The following AGTPBP1 variants were observed in gnomAD, a reference collection of about 807,000 sequenced individuals.
AGTPBP1 encodes cytosolic carboxypeptidase 1.
In AGTPBP1, 70 loss-of-function variants were observed where a neutral mutation model predicts 143.9. That is an observed-to-expected ratio of 0.49 (90% confidence interval 0.40 to 0.59). The LOEUF is 0.59. Among genes scored for constraint, AGTPBP1 ranks in the 20% least tolerant of loss-of-function variants. The pLI is 0.00. For missense variants in AGTPBP1, 1,229 were observed against 1,464.5 expected (o/e 0.84, Z 2.62); for synonymous variants, 463 against 500.2 (o/e 0.93, Z 0.99).
At chr9:85,741,690 G>T in intron 1 of AGTPBP1, 85 bp downstream of exon 1, 9 of 1,260,548 alleles carry the variant, frequency 7.1e-6, no homozygotes, top group Non-Finnish European at 9.0e-6. Flanking sequence ...TCCTACCCCC[G>T]GGCGCCGTCG....
At chr9:85,710,077 A>G (rs1294690968) in intron 2 of AGTPBP1, among the ~76,000 whole-genome samples, 2 of 152,076 alleles carry the variant, frequency 1.3e-5, no homozygotes, top group Non-Finnish European at 2.9e-5. Context: ...AAAATTTAAC[A>G]CTTCACTATA....
chr9:85,653,715 TC>T (rs1430182030), intron 11 of AGTPBP1, among the ~76,000 whole-genome samples: 1 of 152,194 alleles, frequency 6.6e-6, no homozygotes, highest in African/African-American at 2.4e-5. Flanking sequence ...GATAATGCAT[TC>T]CTAGAAGAGG....
chr9:85,602,729 G>C (rs1564054153), intron 17 of AGTPBP1, among the ~76,000 whole-genome samples: 3 of 152,080 alleles, frequency 2.0e-5, no homozygotes, highest in South Asian at 4.1e-4. Context: ...CCAAAAATTA[G>C]GTGAGCGATC....
chr9:85,802,388 A>G, the AGTPBP1 span, among the ~76,000 whole-genome samples: 35 of 152,256 alleles, frequency 2.3e-4, no homozygotes, highest in African/African-American at 8.2e-4. Context: ...GGTTACTGCC[A>G]AAACTGCCTA....
At chr9:85,675,436 TTAAC>T (rs1446786050) in intron 6 of AGTPBP1, among the ~76,000 whole-genome samples, 2 of 152,192 alleles carry the variant, frequency 1.3e-5, no homozygotes, top group African/African-American at 2.4e-5. Context: ...TTTTGTCTTC[TTAAC>T]TAAGATTGTA....
chr9:85,700,740 G>A (rs1475863435), intron 2 of AGTPBP1, among the ~76,000 whole-genome samples: 1 of 152,116 alleles, frequency 6.6e-6, no homozygotes, highest in African/African-American at 2.4e-5. Flanking sequence ...TGGACCCAGA[G>A]ATAGAAGTCA....
the AGTPBP1 span, among the ~76,000 whole-genome samples, chr9:85,770,109 A>G: frequency 2.0e-5 from 3 of 150,964 alleles, no homozygotes; most frequent in African/African-American, 4.9e-5. Flanking sequence ...GTATACACAC[A>G]TGTATACACA....
rs537846630 is a variant in AGTPBP1, at chr9:85,593,320, C to A, written c.2424-616G>T. Among the ~76,000 whole-genome samples the A allele has an allele frequency of 5.9e-5, 9 of 152,204 alleles. 1 individual carries two copies. In the South Asian group the frequency reaches 1.9e-3, roughly 32 times the overall value. On this transcript the variant is annotated intron_variant, in intron 18 of 25. Coordinates refer to ENST00000357081, the MANE Select transcript of AGTPBP1 (RefSeq NM_001330701.2). ...CAATAAAATCCAAATGTGAAAAACCCTACATGACAATCCAGCTTCTTTAGC... is the reference window on the plus strand; with the variant it reads ...CAATAAAATCCAAATGTGAAAAACCATACATGACAATCCAGCTTCTTTAGC...
At chr9:85,548,195 C>T (rs1358530123) in intron 25 of AGTPBP1, among the ~76,000 whole-genome samples, 1 of 152,094 alleles carries the variant, frequency 6.6e-6, no homozygotes, top group African/African-American at 2.4e-5. Context: ...GAAAAAGGAA[C>T]AATATCTGTT....
chr9:85,683,693 C>T (rs1340164661), intron 3 of AGTPBP1, among the ~76,000 whole-genome samples: 1 of 152,128 alleles, frequency 6.6e-6, no homozygotes, highest in Non-Finnish European at 1.5e-5. Context: ...CTCTGTGCTC[C>T]AATTCATCAA....
At chr9:85,686,318 T>C (rs755984578) in intron 3 of AGTPBP1, among the ~76,000 whole-genome samples, 2 of 151,598 alleles carry the variant, frequency 1.3e-5, no homozygotes, top group Admixed American at 6.6e-5. Context: ...TATACTAATA[T>C]CAGACAAAAT....
intron 13 of AGTPBP1, among the ~76,000 whole-genome samples, chr9:85,638,829 T>C (rs1050368175): frequency 2.0e-5 from 3 of 151,986 alleles, no homozygotes; most frequent in Non-Finnish European, 4.4e-5. Context: ...AACACACTCA[T>C]AATCATAATC....
intron 9 of AGTPBP1, among the ~76,000 whole-genome samples, chr9:85,660,176 T>C (rs557439963): frequency 1.3e-5 from 2 of 152,180 alleles, no homozygotes; most frequent in East Asian, 3.9e-4. Flanking sequence ...CTGTTAATTA[T>C]GTCTCCCTTG....
chr9:85,741,365 GC>G, intron 1 of AGTPBP1: 8 of 985,356 alleles, frequency 8.1e-6, no homozygotes, highest in Non-Finnish European at 9.6e-6. Flanking sequence ...GGAGAGCGGG[GC>G]TGGGCGCGCC....
intron 14 of AGTPBP1, among the ~76,000 whole-genome samples, chr9:85,625,908 T>TTG (rs1554708769): frequency 3.7e-5 from 5 of 136,760 alleles, no homozygotes; most frequent in Non-Finnish European, 6.1e-5. Flanking sequence ...AGTTTTGTTT[T>TTG]TTTTTTTTTT....
In AGTPBP1 at chr9:85,654,497, C is replaced by T. The variant is rs369676061; in HGVS notation, c.1087+646G>A. Among the ~76,000 whole-genome samples, 35 of 151,950 alleles carry T rather than the reference C, an allele frequency of 2.3e-4. No individual in the cohort carries two copies. In the South Asian group the frequency reaches 6.9e-3, roughly 30 times the overall value. On this transcript the variant is annotated intron_variant, in intron 11 of 25. Transcript: ENST00000357081. Reference sequence around the variant, plus strand: ...CACTGAAAAGCTACAAATGTAAACCCGAACATAATTTACCTAGACATTTAA... The same window carrying T: ...CACTGAAAAGCTACAAATGTAAACCTGAACATAATTTACCTAGACATTTAA...
chr9:85,613,578 TA>T (rs1222685181), intron 17 of AGTPBP1, among the ~76,000 whole-genome samples: 1 of 151,964 alleles, frequency 6.6e-6, no homozygotes, highest in Non-Finnish European at 1.5e-5. Context: ...AAAACTAGTC[TA>T]GACTGAGTTA....
intron 22 of AGTPBP1, among the ~76,000 whole-genome samples, chr9:85,585,950 T>TGCCTG (rs1448118768): frequency 1.3e-5 from 2 of 152,220 alleles, no homozygotes; most frequent in African/African-American, 4.8e-5. Context: ...CGGTGGCTCA[T>TGCCTG]GCCTGTAATC....
At chr9:85,695,485 C>A (rs1836163659) in intron 2 of AGTPBP1, among the ~76,000 whole-genome samples, 1 of 152,160 alleles carries the variant, frequency 6.6e-6, no homozygotes, top group Non-Finnish European at 1.5e-5. Context: ...GACATTTGCA[C>A]CGATGGTCCA....
Sources: gnomAD v4.1 joint callset for allele counts (sites outside exome capture counted in the v4.1 genomes callset) on GRCh38, gnomAD v4.1.1 for gene constraint, MANE v1.5 for transcripts, NCBI Gene and HGNC (gene_info 2026-07-23, HGNC 2026-07-21) for gene names.